The following LRRTM4 variants were observed in gnomAD, a reference collection of about 807,000 sequenced individuals.
LRRTM4 encodes leucine rich repeat transmembrane neuronal 4.
LRRTM4 carries 25 observed loss-of-function variants against 47.6 expected under a neutral mutation model. That is an observed-to-expected ratio of 0.53 (90% CI 0.38 to 0.73). The LOEUF is 0.73. Ranked by LOEUF, LRRTM4 falls within the 30% of genes least tolerant of loss-of-function variation. LRRTM4 has a pLI of 0.00. For synonymous variants in LRRTM4, 311 were observed against 269.5 expected, an observed-to-expected ratio of 1.15 and a Z score of -1.51; for missense variants, 638 against 713.4, an observed-to-expected ratio of 0.89 and a Z score of 1.20.
intron 3 of LRRTM4, among the ~76,000 whole-genome samples, chr2:77,466,779 A>C (rs1348113023): frequency 6.7e-6 from 1 of 149,070 alleles, no homozygotes; most frequent in Admixed American, 6.8e-5. Context: ...GCTTACTGCA[A>C]CCTCCACTTC....
intron 3 of LRRTM4, among the ~76,000 whole-genome samples, chr2:77,062,285 G>T (rs35525922): frequency 0.12 from 18,936 of 152,076 alleles, 1,280 homozygotes; most frequent in Non-Finnish European, 0.15. Context: ...GTTTATTTTA[G>T]CTTCTAAACT....
At chr2:77,430,492 C>T (rs1008061907) in intron 3 of LRRTM4, among the ~76,000 whole-genome samples, 10 of 151,960 alleles carry the variant, frequency 6.6e-5, no homozygotes, top group East Asian at 1.9e-4. Flanking sequence ...AAGGCCGAGG[C>T]GGGAGGATCA....
chr2:76,826,394 T>A (rs996391629), intron 3 of LRRTM4, among the ~76,000 whole-genome samples: 1 of 151,566 alleles, frequency 6.6e-6, no homozygotes, highest in Non-Finnish European at 1.5e-5. Context: ...TAAACCCTTA[T>A]ATATGATCTA....
At chr2:76,910,706 G>A (rs1461464635) in intron 3 of LRRTM4, among the ~76,000 whole-genome samples, 2 of 152,172 alleles carry the variant, frequency 1.3e-5, no homozygotes, top group African/African-American at 4.8e-5. Context: ...AAAGATGCTA[G>A]ATGGTCACTC....
At chr2:77,145,357 C>T (rs980006665) in intron 3 of LRRTM4, among the ~76,000 whole-genome samples, 2 of 151,098 alleles carry the variant, frequency 1.3e-5, no homozygotes, top group South Asian at 2.1e-4. Flanking sequence ...ATTTTTTCAT[C>T]GTATATATTT....
chr2:77,140,111 T>C (rs1055005113), intron 3 of LRRTM4, among the ~76,000 whole-genome samples: 2 of 152,114 alleles, frequency 1.3e-5, no homozygotes, highest in African/African-American at 2.4e-5. Flanking sequence ...CTTTGCAGAA[T>C]TGGAAAAAGC....
chr2:77,336,949 T>C (rs1671190097), intron 3 of LRRTM4, among the ~76,000 whole-genome samples: 1 of 152,130 alleles, frequency 6.6e-6, no homozygotes, highest in Admixed American at 6.6e-5. Flanking sequence ...TCAGATGGTA[T>C]GATACTAGAC....
chr2:77,266,923 C>T (rs1258385770), intron 3 of LRRTM4, among the ~76,000 whole-genome samples: 1 of 152,062 alleles, frequency 6.6e-6, no homozygotes, highest in Non-Finnish European at 1.5e-5. Context: ...AATAATTGTA[C>T]AAGTTCTGAG....
chr2:77,440,282 C>T (rs1169524011), intron 3 of LRRTM4, among the ~76,000 whole-genome samples: 14 of 152,118 alleles, frequency 9.2e-5, no homozygotes, highest in African/African-American at 2.4e-4. Flanking sequence ...GGCGTGGTGG[C>T]GGGCGCCTGT....
chr2:76,964,926 C>T (rs899721459), intron 3 of LRRTM4, among the ~76,000 whole-genome samples: 2 of 150,806 alleles, frequency 1.3e-5, no homozygotes, highest in Non-Finnish European at 3.0e-5. Context: ...TCTATACCCA[C>T]AAATTTAATA....
In LRRTM4 at chr2:76,780,839, T is replaced by C. The variant is rs534307783; in HGVS notation, c.1552-31923A>G. 3.0e-4 allele frequency among the ~76,000 whole-genome samples: 46 copies of C among 151,158 alleles called. No individual in the cohort carries two copies. In the South Asian group the frequency reaches 9.8e-3, roughly 32 times the overall value. The stretch of plus-strand genomic sequence containing the variant: ...CTTTGGAGGAGGAGAGGTGCTCTGC[T>C]TTTCAGAGTTTCCAGTTTTTCTGTT... On this transcript the variant is annotated intron_variant, in intron 3 of 3. Coordinates refer to ENST00000409884, the MANE Select transcript of LRRTM4 (RefSeq NM_001134745.3).
chr2:76,913,910 C>T (rs1240431159), intron 3 of LRRTM4, among the ~76,000 whole-genome samples: 1 of 151,986 alleles, frequency 6.6e-6, no homozygotes, highest in African/African-American at 2.4e-5. Context: ...TGATAGGAAA[C>T]TTCCCTTTTT....
chr2:77,021,678 T>C (rs969407079), intron 3 of LRRTM4, among the ~76,000 whole-genome samples: 8 of 152,206 alleles, frequency 5.3e-5, no homozygotes, highest in African/African-American at 1.9e-4. Context: ...TGCATGAGTT[T>C]ACCTTGGGGA....
At chr2:76,771,870 G>GT (rs1264148090) in intron 3 of LRRTM4, among the ~76,000 whole-genome samples, 8 of 151,998 alleles carry the variant, frequency 5.3e-5, no homozygotes, top group Admixed American at 1.3e-4. Flanking sequence ...ACGATGAGGA[G>GT]TTTGAGGGAC....
chr2:77,234,316 A>C (rs890279851), intron 3 of LRRTM4, among the ~76,000 whole-genome samples: 1 of 152,194 alleles, frequency 6.6e-6, no homozygotes, highest in Non-Finnish European at 1.5e-5. Context: ...AAAATAGAAG[A>C]GACTAAAGGG....
At chr2:77,140,113 G>C (rs893225882) in intron 3 of LRRTM4, among the ~76,000 whole-genome samples, 6 of 152,014 alleles carry the variant, frequency 3.9e-5, no homozygotes, top group African/African-American at 1.5e-4. Flanking sequence ...TTGCAGAATT[G>C]GAAAAAGCTA....
intron 3 of LRRTM4, among the ~76,000 whole-genome samples, chr2:77,111,691 G>A (rs909455270): frequency 1.3e-5 from 2 of 152,050 alleles, no homozygotes; most frequent in African/African-American, 4.8e-5. Context: ...TCTTATTGCA[G>A]TGCTTGTGTT....
At chr2:77,111,511 T>C (rs1671249225) in intron 3 of LRRTM4, among the ~76,000 whole-genome samples, 1 of 151,996 alleles carries the variant, frequency 6.6e-6, no homozygotes, top group South Asian at 2.1e-4. Flanking sequence ...AATAAAAGAT[T>C]CCAGAAATAA....
intron 3 of LRRTM4, among the ~76,000 whole-genome samples, chr2:76,901,545 G>T (rs1422902581): frequency 6.6e-6 from 1 of 151,738 alleles, no homozygotes; most frequent in Admixed American, 6.6e-5. Context: ...ACCATGGAAG[G>T]CTCAGAGAAA....
Sources: allele counts gnomAD v4.1 joint callset (sites outside exome capture counted in the v4.1 genomes callset), GRCh38; gene constraint gnomAD v4.1.1; transcripts MANE v1.5; gene names NCBI Gene and HGNC (gene_info 2026-07-23, HGNC 2026-07-21).